The following SH3RF2 variants were observed in gnomAD, a reference collection of about 807,000 sequenced individuals.
The protein encoded by SH3RF2 is E3 ubiquitin-protein ligase SH3RF2.
SH3RF2 carries 43 observed loss-of-function variants against 59.0 expected under a neutral mutation model. The ratio of observed to expected loss-of-function variants is 0.73; its 90% CI spans 0.57 to 0.94. The LOEUF is 0.94. Ranked by LOEUF, SH3RF2 falls within the 40% of genes least tolerant of loss-of-function variation. SH3RF2 has a pLI of 0.00. For synonymous variants in SH3RF2, 391 were observed against 391.5 expected (o/e 1.00, Z 0.01); for missense variants, 930 against 940.1 (o/e 0.99, Z 0.14).
intron 5 of SH3RF2, among the ~76,000 whole-genome samples, chr5:146,046,066 C>T (rs564864376): frequency 1.3e-5 from 2 of 152,324 alleles, no homozygotes; most frequent in East Asian, 1.9e-4. Context: ...ACCACACATA[C>T]ATTTACGCAA....
intron 2 of SH3RF2, among the ~76,000 whole-genome samples, chr5:145,966,527 C>G (rs1758863367): frequency 1.3e-5 from 2 of 152,130 alleles, no homozygotes; most frequent in African/African-American, 4.8e-5. Context: ...AATAAAAACT[C>G]ACTTCTTTTC....
intron 5 of SH3RF2, among the ~76,000 whole-genome samples, chr5:146,047,426 C>T (rs1762342968): frequency 6.6e-6 from 1 of 151,956 alleles, no homozygotes; most frequent in Non-Finnish European, 1.5e-5. Context: ...TTTCCAAGAG[C>T]AGGTTTTCAT....
chr5:145,963,613 G>A (rs949580479), intron 2 of SH3RF2, among the ~76,000 whole-genome samples: 1 of 152,072 alleles, frequency 6.6e-6, no homozygotes, highest in Non-Finnish European at 1.5e-5. Flanking sequence ...GCACAAGAAA[G>A]TTTGTTTTAA....
chr5:146,068,636 C>G (rs1231085103), intron 9 of SH3RF2, among the ~76,000 whole-genome samples: 4 of 152,150 alleles, frequency 2.6e-5, no homozygotes, highest in Non-Finnish European at 5.9e-5. Flanking sequence ...GGACATTTTA[C>G]TTGAAATAGA....
chr5:146,047,193 A>G (rs1473349326), intron 5 of SH3RF2, among the ~76,000 whole-genome samples: 1 of 103,428 alleles, frequency 9.7e-6, no homozygotes, highest in African/African-American at 3.4e-5. Flanking sequence ...AGCAATAGTC[A>G]ATAATAAGAA....
At chr5:146,076,271 T>C (rs145480830) in intron 9 of SH3RF2, among the ~76,000 whole-genome samples, 267 of 152,190 alleles carry the variant, frequency 1.8e-3, no homozygotes, top group African/African-American at 6.1e-3. Flanking sequence ...GGAGGGGCAT[T>C]CTCACAGCTG....
chr5:146,034,922 A>G (rs955036429), intron 5 of SH3RF2, among the ~76,000 whole-genome samples: 7 of 152,196 alleles, frequency 4.6e-5, no homozygotes, highest in Non-Finnish European at 1.0e-4. Flanking sequence ...CCTGGCCAAC[A>G]TGGTGAAACC....
intron 2 of SH3RF2, among the ~76,000 whole-genome samples, chr5:145,948,639 G>C (rs958205071): frequency 6.6e-5 from 10 of 152,268 alleles, no homozygotes; most frequent in Non-Finnish European, 1.3e-4. Context: ...GCCAGTGTTA[G>C]AGAAGGCAGG....
At chr5:146,040,273 G>A (rs1213189913) in intron 5 of SH3RF2, among the ~76,000 whole-genome samples, 3 of 152,152 alleles carry the variant, frequency 2.0e-5, no homozygotes, top group Non-Finnish European at 4.4e-5. Flanking sequence ...GCAGGTATCT[G>A]TTATATTATT....
intron 5 of SH3RF2, among the ~76,000 whole-genome samples, chr5:146,021,045 G>T (rs548717066): frequency 3.3e-5 from 5 of 152,148 alleles, no homozygotes; most frequent in Non-Finnish European, 7.3e-5. Context: ...TATAAGTCCA[G>T]ATCTTCTCCC....
At chr5:146,057,966 C>CTCTCTCTATCTATCTA (rs796279528) in intron 8 of SH3RF2, among the ~76,000 whole-genome samples, 17 of 72,966 alleles carry the variant, frequency 2.3e-4, no homozygotes, top group African/African-American at 6.6e-4. Flanking sequence ...CTCTCTCTCT[C>CTCTCTCTATCTATCTA]TCTATCTATC....
intron 9 of SH3RF2, 68 bp downstream of exon 9, chr5:146,060,292 G>C: frequency 7.1e-7 from 1 of 1,418,386 alleles, no homozygotes; most frequent in Non-Finnish European, 9.4e-7. Context: ...TCTCAGCTCA[G>C]AGATTTTAGT....
chr5:145,940,339 C>T (rs1417008431), intron 2 of SH3RF2, among the ~76,000 whole-genome samples: 1 of 152,216 alleles, frequency 6.6e-6, no homozygotes, highest in African/African-American at 2.4e-5. Flanking sequence ...CTTTTGCCTT[C>T]CTCAGTGGGG....
intron 4 of SH3RF2, among the ~76,000 whole-genome samples, chr5:146,005,166 TA>T (rs201859023): frequency 8.1e-5 from 12 of 148,544 alleles, no homozygotes; most frequent in South Asian, 2.1e-4. Context: ...AAATCTTCTT[TA>T]AAAAAAAAAG....
At chr5:145,964,456 C>A (rs917903423) in intron 2 of SH3RF2, among the ~76,000 whole-genome samples, 1 of 151,616 alleles carries the variant, frequency 6.6e-6, no homozygotes, top group Non-Finnish European at 1.5e-5. Context: ...ACAGACGCGC[C>A]CCACCACGCC....
At chr5:146,028,844 T>G (rs1021217409) in intron 5 of SH3RF2, among the ~76,000 whole-genome samples, 1 of 152,148 alleles carries the variant, frequency 6.6e-6, no homozygotes, top group African/African-American at 2.4e-5. Flanking sequence ...AACCTGACAC[T>G]TCCCACAGGT....
intron 9 of SH3RF2, among the ~76,000 whole-genome samples, chr5:146,069,141 C>A (rs1052218095): frequency 2.0e-5 from 3 of 152,150 alleles, no homozygotes; most frequent in Non-Finnish European, 4.4e-5. Context: ...AACCTAAGGC[C>A]GTAGATATTC....
intron 7 of SH3RF2, among the ~76,000 whole-genome samples, chr5:146,052,706 A>C (rs745544559): frequency 5.3e-5 from 8 of 152,202 alleles, no homozygotes; most frequent in African/African-American, 1.2e-4. Flanking sequence ...TGAATGATAC[A>C]TACCCAGTCC....
intron 4 of SH3RF2, among the ~76,000 whole-genome samples, chr5:146,012,405 A>G (rs1040463822): frequency 1.3e-5 from 2 of 152,200 alleles, no homozygotes; most frequent in African/African-American, 4.8e-5. Flanking sequence ...ATTCCCTCTT[A>G]TTCTATTGAT....
Sources: allele counts gnomAD v4.1 joint callset (sites outside exome capture counted in the v4.1 genomes callset), GRCh38; gene constraint gnomAD v4.1.1; transcripts MANE v1.5; gene names NCBI Gene and HGNC (gene_info 2026-07-23, HGNC 2026-07-21).